ADGRL3: variants seen among roughly 807,000 people sequenced by gnomAD.
ADGRL3 encodes calcium-independent alpha-latrotoxin receptor 3.
Under a neutral mutation model 153.5 loss-of-function variants are expected in ADGRL3, and 62 were observed. The observed-to-expected ratio is 0.40, with a 90% CI of 0.33 to 0.50. The LOEUF is 0.50. Ranked by LOEUF, ADGRL3 falls within the 20% of genes least tolerant of loss-of-function variation. The pLI, the probability that ADGRL3 is intolerant of heterozygous loss-of-function variation, is 0.47. For synonymous variants in ADGRL3, 710 were observed against 672.5 expected, an observed-to-expected ratio of 1.06 and a Z score of -0.86; for missense variants, 1,641 against 1,859.4, an observed-to-expected ratio of 0.88 and a Z score of 2.16.
chr4:61,570,983 C>T (rs2149127904), intron 4 of ADGRL3, among the ~76,000 whole-genome samples: 1 of 145,850 alleles, frequency 6.9e-6, no homozygotes, highest in South Asian at 2.1e-4. Context: ...GCTTATGGCT[C>T]AGGATTAATG....
intron 9 of ADGRL3, among the ~76,000 whole-genome samples, chr4:61,885,892 G>T (rs915257498): frequency 6.6e-6 from 1 of 152,044 alleles, no homozygotes; most frequent in African/African-American, 2.4e-5. Flanking sequence ...AAACATTCAG[G>T]ACAGTTTCTG....
chr4:61,899,228 C>T (rs945636601), intron 11 of ADGRL3, among the ~76,000 whole-genome samples: 1 of 152,034 alleles, frequency 6.6e-6, no homozygotes, highest in African/African-American at 2.4e-5. Flanking sequence ...CTTTTTAATT[C>T]CTATATCACC....
At chr4:61,744,149 G>A (rs545198000) in intron 8 of ADGRL3, among the ~76,000 whole-genome samples, 73 of 152,254 alleles carry the variant, frequency 4.8e-4, no homozygotes, top group African/African-American at 1.5e-3. Context: ...AGGCAGCAGC[G>A]AGGCTGGGGG....
At chr4:61,933,379 T>C (rs999277985) in intron 13 of ADGRL3, among the ~76,000 whole-genome samples, 1 of 152,204 alleles carries the variant, frequency 6.6e-6, no homozygotes, top group African/African-American at 2.4e-5. Context: ...GATCATTTTG[T>C]TGTGATCCAG....
intron 1 of ADGRL3, among the ~76,000 whole-genome samples, chr4:61,315,965 C>T (rs551973076): frequency 6.6e-6 from 1 of 152,218 alleles, no homozygotes; most frequent in African/African-American, 2.4e-5. Flanking sequence ...TACTATGTCC[C>T]AAGACTGAGG....
intron 2 of ADGRL3, among the ~76,000 whole-genome samples, chr4:61,412,600 G>A (rs1323163021): frequency 6.6e-6 from 1 of 152,042 alleles, no homozygotes; most frequent in African/African-American, 2.4e-5. Context: ...TAGTTTCTGA[G>A]GCTCTTTTCA....
chr4:61,432,703 G>T (rs2097388197), intron 2 of ADGRL3, among the ~76,000 whole-genome samples: 1 of 140,340 alleles, frequency 7.1e-6, no homozygotes, highest in Admixed American at 7.4e-5. Context: ...GCCCAGGCTG[G>T]ACTGTAATAG....
intron 8 of ADGRL3, among the ~76,000 whole-genome samples, chr4:61,777,281 A>G (rs934033917): frequency 1.1e-4 from 16 of 152,036 alleles, no homozygotes; most frequent in African/African-American, 3.9e-4. Flanking sequence ...TTCAGTGAGC[A>G]GAGATCGCGC....
chr4:61,268,495 G>A (rs1253480748), intron 1 of ADGRL3, among the ~76,000 whole-genome samples: 1 of 151,344 alleles, frequency 6.6e-6, no homozygotes. Context: ...AATTTCTTGG[G>A]CCTCAGCCAT....
intron 1 of ADGRL3, among the ~76,000 whole-genome samples, chr4:61,259,973 T>TC (rs1284274579): frequency 1.3e-5 from 2 of 152,188 alleles, no homozygotes; most frequent in Admixed American, 1.3e-4. Flanking sequence ...CTTCAGGGAT[T>TC]CCCCCCAAAA....
intron 8 of ADGRL3, among the ~76,000 whole-genome samples, chr4:61,795,162 C>T (rs2097394291): frequency 6.6e-6 from 1 of 152,138 alleles, no homozygotes; most frequent in African/African-American, 2.4e-5. Flanking sequence ...TTTTTTAGCT[C>T]TGTTGCCCAG....
At chr4:61,841,880 A>G (rs545478713) in intron 9 of ADGRL3, among the ~76,000 whole-genome samples, 1 of 152,284 alleles carries the variant, frequency 6.6e-6, no homozygotes, top group South Asian at 2.1e-4. Context: ...GGTAGGATGA[A>G]GGCATGAGAA....
intron 9 of ADGRL3, among the ~76,000 whole-genome samples, chr4:61,846,704 T>G (rs2149073462): frequency 6.6e-6 from 1 of 152,166 alleles, no homozygotes; most frequent in East Asian, 1.9e-4. Flanking sequence ...CTCACAATTC[T>G]GCAGGTCGTA....
At chr4:61,872,980 G>A (rs984914421) in intron 9 of ADGRL3, among the ~76,000 whole-genome samples, 7 of 152,122 alleles carry the variant, frequency 4.6e-5, no homozygotes, top group African/African-American at 9.7e-5. Flanking sequence ...CTGTAGTGCC[G>A]TATGATTTGC....
In ADGRL3 at chr4:61,582,086, C is replaced by T. The variant is rs542120884; in HGVS notation, c.260-5141C>T. ...ATAAATATAAGCCATTTTGCTGATG[C>T]TTTTATAATTGTAGCAAACAGACAA... On this transcript the variant is annotated intron_variant, in intron 4 of 26. Coordinates refer to ENST00000683033, the MANE Select transcript of ADGRL3 (RefSeq NM_001387552.1). Among the ~76,000 whole-genome samples the T allele has an allele frequency of 8.6e-5, 13 of 152,040 alleles. No homozygotes were observed. The East Asian group carries it at 2.3e-3, about 27-fold the overall frequency.
In ADGRL3 at chr4:61,975,282, G is replaced by A. The variant is rs1718915303; in HGVS notation, c.2806-4281G>A. On this transcript the variant is annotated intron_variant, in intron 17 of 26. Transcript: ENST00000683033. ...CAGAAAAAACCCTCTGTGAGAAGGT[G>A]ACATTTGAATAAATAATAAAAGGAG... Among the ~76,000 whole-genome samples, 3 of 152,142 alleles carry A rather than the reference G, an allele frequency of 2.0e-5. No homozygotes were observed. The South Asian group carries it at 6.2e-4, about 31-fold the overall frequency.
At chr4:61,258,214 G>A (rs2092181367) in intron 1 of ADGRL3, among the ~76,000 whole-genome samples, 1 of 152,088 alleles carries the variant, frequency 6.6e-6, no homozygotes, top group Non-Finnish European at 1.5e-5. Context: ...TCTTACAACA[G>A]CAAAGAATCC....
intron 1 of ADGRL3, among the ~76,000 whole-genome samples, chr4:61,237,332 G>A (rs1577942875): frequency 1.3e-5 from 2 of 152,198 alleles, no homozygotes; most frequent in African/African-American, 4.8e-5. Flanking sequence ...TTTTGGTCCT[G>A]GGTTTCTGTT....
intron 2 of ADGRL3, among the ~76,000 whole-genome samples, chr4:61,491,538 G>T (rs2098257912): frequency 6.6e-6 from 1 of 152,068 alleles, no homozygotes; most frequent in South Asian, 2.1e-4. Context: ...AGTGACAAAT[G>T]ATTAAATAAA....
Sources: allele counts gnomAD v4.1 joint callset (sites outside exome capture counted in the v4.1 genomes callset), GRCh38; gene constraint gnomAD v4.1.1; transcripts MANE v1.5; gene names NCBI Gene and HGNC (gene_info 2026-07-23, HGNC 2026-07-21).